Variants in ARSB observed in about 807,000 individuals in gnomAD.
ARSB encodes the protein arylsulfatase B, also known as N-acetylgalactosamine-4-sulfatase.
A neutral mutation model predicts 50.9 loss-of-function variants in ARSB; 41 were observed. The ratio of observed to expected loss-of-function variants is 0.81; its 90% CI spans 0.63 to 1.04. The LOEUF (loss-of-function observed/expected upper bound fraction) is 1.04. ARSB is among the 50% of genes least tolerant of loss of function. ARSB has a pLI of 0.00. For missense variants in ARSB, 672 were observed against 693.3 expected (o/e 0.97, Z 0.35); for synonymous variants, 269 against 284.8 (o/e 0.94, Z 0.56).
intron 6 of ARSB, among the ~76,000 whole-genome samples, chr5:78,795,013 AT>A (rs1289264334): frequency 1.3e-5 from 2 of 152,214 alleles, no homozygotes; most frequent in African/African-American, 4.8e-5. Flanking sequence ...AGCTGATAAA[AT>A]CAGTAAGTGC....
At chr5:78,816,129 A>G in intron 6 of ARSB, 1 of 1,614,134 alleles carries the variant, frequency 6.2e-7, no homozygotes, top group Non-Finnish European at 8.5e-7. Context: ...AAAACACACA[A>G]AATGACTTTC....
chr5:78,875,503 GTAT>G (rs1164823090), intron 5 of ARSB, among the ~76,000 whole-genome samples: 6 of 151,954 alleles, frequency 3.9e-5, no homozygotes, highest in Non-Finnish European at 8.8e-5. Context: ...CTACTGGTGA[GTAT>G]TATTATAGCA....
intron 5 of ARSB, among the ~76,000 whole-genome samples, chr5:78,873,097 A>T (rs1346744529): frequency 6.6e-6 from 1 of 152,162 alleles, no homozygotes; most frequent in Non-Finnish European, 1.5e-5. Flanking sequence ...ACTATGGAAA[A>T]ACAGTCATAA....
At chr5:78,803,046 G>A (rs1257976407) in intron 6 of ARSB, among the ~76,000 whole-genome samples, 1 of 152,138 alleles carries the variant, frequency 6.6e-6, no homozygotes, top group Non-Finnish European at 1.5e-5. Context: ...ACATGAGGAA[G>A]GGACATCTAG....
At chr5:78,787,563 T>C (rs1474211978) in intron 6 of ARSB, among the ~76,000 whole-genome samples, 1 of 152,170 alleles carries the variant, frequency 6.6e-6, no homozygotes, top group South Asian at 2.1e-4. Flanking sequence ...TGGAATTCCA[T>C]GACATGAAGT....
chr5:78,880,762 A>G lies in ARSB; in HGVS notation c.1142+4822T>C, dbSNP rs570704528. Among the ~76,000 whole-genome samples the G allele has an allele frequency of 1.8e-4, 27 of 152,354 alleles. No individual in the cohort carries two copies. In the South Asian group the frequency reaches 5.4e-3, roughly 30 times the overall value. On this transcript the variant is annotated intron_variant, in intron 5 of 7. Coordinates refer to ENST00000264914, the MANE Select transcript of ARSB (RefSeq NM_000046.5). ...GAAAAGAATGTGTAATCAATTTCTA[A>G]TATCACAAAATAGGTAATATCTAGA... is the stretch of plus-strand genomic sequence containing the variant.
intron 1 of ARSB, 145 bp downstream of exon 1, chr5:78,984,792 G>C (rs1231928619): frequency 7.0e-6 from 4 of 572,116 alleles, no homozygotes; most frequent in Non-Finnish European, 9.8e-6. Flanking sequence ...GCGAGGTTGG[G>C]GCGAGAAGCC....
intron 6 of ARSB, among the ~76,000 whole-genome samples, chr5:78,797,579 T>G (rs1743230712): frequency 6.6e-6 from 1 of 152,212 alleles, no homozygotes; most frequent in Non-Finnish European, 1.5e-5. Context: ...GTTCAACCTC[T>G]TCAGCTTGTC....
In ARSB at chr5:78,780,584, A is replaced by C. The variant is rs1211360114; in HGVS notation, c.1415T>G (p.Leu472Arg). 9.9e-6 allele frequency: 16 copies of C among 1,613,932 alleles called. No homozygotes were observed. The highest frequency in any genetic ancestry group is 2.2e-5 in the East Asian group (1 of 44,892). The change falls in exon 8 of 8, where the codon CTC (leucine) becomes CGC (arginine). Residue 472 changes from leucine to arginine, a missense_variant. By Grantham distance (102) the Leu-to-Arg change is moderately radical (BLOSUM62 -2). Transcript: ENST00000264914. ...GTCCCGATCAATATCAAAGAGCCAGAGGGTCTTGGTTGGTGGGTCTGATGA... is the reference window on the plus strand; with the variant it reads ...GTCCCGATCAATATCAAAGAGCCAGCGGGTCTTGGTTGGTGGGTCTGATGA... The part of the protein sequence containing the change: ...IPSSDPPTKT[L>R]WLFDIDRDPE...
chr5:78,977,511 C>T (rs2112557930), intron 1 of ARSB, among the ~76,000 whole-genome samples: 1 of 152,314 alleles, frequency 6.6e-6, no homozygotes, highest in East Asian at 1.9e-4. Flanking sequence ...TCACCCCCTT[C>T]AGATTATAAG....
intron 4 of ARSB, among the ~76,000 whole-genome samples, chr5:78,933,251 G>C (rs1750427171): frequency 5.3e-5 from 8 of 151,994 alleles, no homozygotes; most frequent in Admixed American, 5.2e-4. Context: ...TTGAAGAATG[G>C]GCCTGAATTT....
chr5:78,887,128 C>T lies in ARSB; in HGVS notation c.899-1301G>A, dbSNP rs543086664. Among the ~76,000 whole-genome samples the T allele has an allele frequency of 6.6e-5, 10 of 152,310 alleles. No homozygotes were observed. In the East Asian group the frequency reaches 1.9e-3, roughly 29 times the overall value. On this transcript the variant is annotated intron_variant, in intron 4 of 7. Transcript: ENST00000264914. ...CATTTTGTGTTGCTATAACAGAATA[C>T]TGAGACTAGGTAATTTATAAAGAAA...
chr5:78,979,002 G>A (rs1752786263), intron 1 of ARSB, among the ~76,000 whole-genome samples: 1 of 152,116 alleles, frequency 6.6e-6, no homozygotes, highest in African/African-American at 2.4e-5. Flanking sequence ...TGTAACTTTT[G>A]TTTACATCAA....
intron 6 of ARSB, among the ~76,000 whole-genome samples, chr5:78,789,572 G>A (rs774176404): frequency 2.6e-5 from 4 of 152,192 alleles, no homozygotes; most frequent in Non-Finnish European, 5.9e-5. Flanking sequence ...ATGGTATTGA[G>A]TCTACAAAGT....
intron 5 of ARSB, among the ~76,000 whole-genome samples, chr5:78,872,859 A>G (rs1046840526): frequency 6.6e-6 from 1 of 151,992 alleles, no homozygotes; most frequent in Middle Eastern, 3.4e-3. Flanking sequence ...TAGCAAAGAA[A>G]CTGCACTTCA....
rs1353962965 is a variant in ARSB at position 78,898,191 on chromosome 5, C to A, written c.899-12364G>T. ...GCGGAGGCAGGAGAATCGCTTGAAC[C>A]CGGGAGGCAAAGGTTGCAGTGCCGA... On this transcript the variant is annotated intron_variant, in intron 4 of 7. Transcript: ENST00000264914. Among the ~76,000 whole-genome samples the A allele has an allele frequency of 5.9e-5, 9 of 152,212 alleles. No homozygotes were observed. The East Asian group carries it at 1.7e-3, about 29-fold the overall frequency.
intron 4 of ARSB, among the ~76,000 whole-genome samples, chr5:78,919,646 C>G (rs1258497080): frequency 1.3e-5 from 2 of 152,016 alleles, no homozygotes; most frequent in South Asian, 4.1e-4. Context: ...GTGTGTGCCA[C>G]CACACCCGGA....
chr5:78,947,050 T>A (rs1368241138), intron 4 of ARSB, among the ~76,000 whole-genome samples: 4 of 151,610 alleles, frequency 2.6e-5, no homozygotes, highest in African/African-American at 9.7e-5. Context: ...CTTCAATAAA[T>A]GGTGCTGGGA....
chr5:78,897,573 T>C lies in ARSB; in HGVS notation c.899-11746A>G, dbSNP rs182244860. Reference sequence around the variant, plus strand: ...AAGCAGAATCACTGTAAATGATATATATATAATCACAAAGTCAATTAATTG... The same window carrying C: ...AAGCAGAATCACTGTAAATGATATACATATAATCACAAAGTCAATTAATTG... On this transcript the variant is annotated intron_variant, in intron 4 of 7. Transcript: ENST00000264914. Among the ~76,000 whole-genome samples, 18 of 152,314 alleles carry C rather than the reference T, an allele frequency of 1.2e-4. No individual in the cohort carries two copies. In the East Asian group the frequency reaches 1.5e-3, roughly 13 times the overall value.
Sources: allele counts gnomAD v4.1 joint callset (sites outside exome capture counted in the v4.1 genomes callset), GRCh38; gene constraint gnomAD v4.1.1; transcripts MANE v1.5; gene names NCBI Gene and HGNC (gene_info 2026-07-23, HGNC 2026-07-21).